FSD2: variants seen among roughly 807,000 people sequenced by gnomAD.
The protein encoded by FSD2 is fibronectin type III and SPRY domain-containing protein 2.
A neutral mutation model predicts 80.4 loss-of-function variants in FSD2; 71 were observed. The ratio of observed to expected loss-of-function variants is 0.88; its 90% confidence interval spans 0.73 to 1.08. The LOEUF (loss-of-function observed/expected upper bound fraction) is 1.08, where lower values mean the gene tolerates loss of function less well. FSD2 is among the 50% of genes least tolerant of loss of function. The pLI is 0.00. For missense variants in FSD2, 923 were observed against 913.8 expected (o/e 1.01, Z -0.13); for synonymous variants, 361 against 329.5 (o/e 1.10, Z -1.03).
Position 82,755,976 on chromosome 15 carries a change from C to T in FSD2, c.*3372G>A. On this transcript the variant is annotated 3_prime_UTR_variant, in exon 13 of 13. Transcript: ENST00000334574. ...ACTAAGAAAATAGAGTCCTTGAAAT[C>T]AAGCTGACTCTGCTTTTAGCCTCCT... 1.9e-6 allele frequency: 1 copy of T among 516,946 alleles called. No individual in the cohort carries two copies. The highest frequency in any genetic ancestry group is 3.9e-6 in the Non-Finnish European group (1 of 258,848). 32.0% of individuals were successfully genotyped at this position (516,946 alleles called of 1,614,324 possible).
intron 2 of FSD2, 39 bp from the exon 3 acceptor site, chr15:82,786,645 C>T (rs768391831): frequency 6.2e-7 from 1 of 1,601,374 alleles, no homozygotes; most frequent in Non-Finnish European, 8.6e-7. Flanking sequence ...ATTAATGTTA[C>T]ATCTTCTCTC....
intron 4 of FSD2, 56 bp from the exon 5 acceptor site, chr15:82,780,323 C>G: frequency 8.4e-7 from 1 of 1,196,256 alleles, no homozygotes; most frequent in South Asian, 1.5e-5. Context: ...TTTCTTTTTT[C>G]TTTTTCTTTC....
intron 1 of FSD2, among the ~76,000 whole-genome samples, chr15:82,795,455 TAGA>T (rs913694187): frequency 2.0e-5 from 3 of 152,150 alleles, no homozygotes; most frequent in African/African-American, 7.2e-5. Flanking sequence ...AATCAGAGGT[TAGA>T]AGAAGATTAT....
At chr15:82,773,955 G>T (rs1481194831) in intron 6 of FSD2, among the ~76,000 whole-genome samples, 1 of 152,194 alleles carries the variant, frequency 6.6e-6, no homozygotes, top group Admixed American at 6.5e-5. Context: ...AACCTAAAAT[G>T]CTGTACACAA....
chr15:82,764,492 C>CTTTTTTTTTTTTTT lies in FSD2; in HGVS notation c.1820+660_1820+673dup, dbSNP rs60095355. Among the ~76,000 whole-genome samples the CTTTTTTTTTTTTTT allele has an allele frequency of 3.1e-3, 266 of 86,122 alleles. 10 individuals are homozygous for CTTTTTTTTTTTTTT. The highest frequency in any genetic ancestry group is 4.8e-3 in the East Asian group (15 of 3,108). 56.5% of individuals were successfully genotyped at this position (86,122 alleles called of 152,430 possible). On this transcript the variant is annotated intron_variant, in intron 11 of 12. Coordinates refer to ENST00000334574, the MANE Select transcript of FSD2 (RefSeq NM_001007122.4). ...CTCTTGTTGCTTCATTCTTTACTTGCTTTTTTTTTTTTTTTTTTTTGAGAA... is the reference window on the plus strand; with the variant it reads ...CTCTTGTTGCTTCATTCTTTACTTGCTTTTTTTTTTTTTTTTTTTTTTTTTTTTTTTTTTGAGAA...
chr15:82,771,972 T>C (rs2049587042), intron 7 of FSD2, 101 bp downstream of exon 7: 2 of 1,228,230 alleles, frequency 1.6e-6, no homozygotes, highest in African/African-American at 3.1e-5. Flanking sequence ...TCTAGACCCA[T>C]CCTGTCTCTA....
At chr15:82,787,572 G>C in intron 1 of FSD2, 104 bp from the exon 2 acceptor site, 1 of 529,518 alleles carries the variant, frequency 1.9e-6, no homozygotes, top group East Asian at 3.1e-5. Context: ...AAAATTATCT[G>C]TGTAGTTCAG....
chr15:82,769,401 C>T lies in FSD2; in HGVS notation c.1402+349G>A, dbSNP rs2049504357. On this transcript the variant is annotated intron_variant, in intron 8 of 12. Transcript: ENST00000334574. ...CCTGGCCAACATGGCGAAATGCCAT[C>T]TCTTCTAAAAATACAAAAAAAAAAA... Among the ~76,000 whole-genome samples, 4 of 144,446 alleles carry T rather than the reference C, an allele frequency of 2.8e-5. No individual in the cohort carries two copies. The South Asian group carries it at 9.4e-4, about 34-fold the overall frequency. The allele number at this position is 144,446 out of a possible 152,430, so 94.8% of individuals were successfully genotyped here. A position where few individuals can be genotyped will look rare whatever the true frequency, so the allele number is the denominator to read the frequency against.
At chr15:82,782,106 A>AT (rs60552767) in intron 4 of FSD2, among the ~76,000 whole-genome samples, 2 of 115,246 alleles carry the variant, frequency 1.7e-5, no homozygotes, top group African/African-American at 3.3e-5. Context: ...AATAATAATA[A>AT]AACTCTTGGC....
At chr15:82,780,832 C>T (rs538895863) in intron 4 of FSD2, among the ~76,000 whole-genome samples, 5 of 152,044 alleles carry the variant, frequency 3.3e-5, no homozygotes, top group African/African-American at 1.2e-4. Context: ...TATCCCATAC[C>T]GTAACAAAAC....
intron 11 of FSD2, 36 bp from the exon 12 acceptor site, chr15:82,762,314 G>A (rs1317872057): frequency 1.9e-6 from 3 of 1,601,850 alleles, no homozygotes. Context: ...GTGATCTGGG[G>A]TGCCCCAAGC....
chr15:82,792,295 T>G (rs2050170601), intron 1 of FSD2, among the ~76,000 whole-genome samples: 1 of 152,260 alleles, frequency 6.6e-6, no homozygotes, highest in African/African-American at 2.4e-5. Flanking sequence ...TCTGACTGTT[T>G]GATTACAGTC....
intron 1 of FSD2, among the ~76,000 whole-genome samples, chr15:82,790,742 ATTTTTTTTTT>A (rs56148573): frequency 7.5e-5 from 10 of 132,632 alleles, no homozygotes; most frequent in South Asian, 2.4e-4. Context: ...TGCCCAGCTA[ATTTTTTTTTT>A]TTTTTTGTAT....
intron 1 of FSD2, among the ~76,000 whole-genome samples, chr15:82,805,032 C>G (rs1045710847): frequency 6.6e-6 from 1 of 151,888 alleles, no homozygotes; most frequent in Non-Finnish European, 1.5e-5. Flanking sequence ...TGCTGGATAC[C>G]CTTTCCTCTA....
At chr15:82,774,069 T>C (rs932261205) in intron 6 of FSD2, among the ~76,000 whole-genome samples, 1 of 152,092 alleles carries the variant, frequency 6.6e-6, no homozygotes, top group African/African-American at 2.4e-5. Flanking sequence ...ATCACAATAA[T>C]ATTTTATTTT....
At position 82,778,874 on chromosome 15, in the gene FSD2, G is replaced by C; in HGVS notation, c.1003C>G (p.Leu335Val). Residue 335 changes from leucine to valine, a missense_variant, in exon 6 of 13, where the codon CTG becomes GTG. Physicochemically the swap from Leu to Val is conservative, Grantham distance 32. Transcript: ENST00000334574. Reference sequence around the variant, plus strand: ...ATTTCCACGTCTGTTTTTGTTTTCAGGAATTTCCCGAGTCTGTTGGTATAA... The same window carrying C: ...ATTTCCACGTCTGTTTTTGTTTTCACGAATTTCCCGAGTCTGTTGGTATAA... The part of the protein sequence containing the change: ...VAMADRLGKF[L>V]KTKTDVEISA... 6.2e-7 allele frequency: 1 copy of C among 1,613,906 alleles called. No individual in the cohort carries two copies. The highest frequency in any genetic ancestry group is 8.5e-7 in the Non-Finnish European group (1 of 1,179,870).
At chr15:82,782,355 G>A (rs922688160) in intron 4 of FSD2, among the ~76,000 whole-genome samples, 30 of 152,166 alleles carry the variant, frequency 2.0e-4, no homozygotes, top group East Asian at 3.9e-4. Context: ...AGCCGAGATC[G>A]CGCCACTGCA....
chr15:82,789,041 T>C (rs986527542), intron 1 of FSD2, among the ~76,000 whole-genome samples: 1 of 151,578 alleles, frequency 6.6e-6, no homozygotes, highest in African/African-American at 2.4e-5. Context: ...CTAGTAATCC[T>C]CTTCTGGAAC....
intron 4 of FSD2, among the ~76,000 whole-genome samples, chr15:82,782,137 T>G (rs1355112881): frequency 1.3e-5 from 2 of 149,862 alleles, no homozygotes; most frequent in Admixed American, 6.7e-5. Flanking sequence ...GGCTCACGCC[T>G]GTAATCCCAG....
Sources: allele counts gnomAD v4.1 joint callset (sites outside exome capture counted in the v4.1 genomes callset), GRCh38; gene constraint gnomAD v4.1.1; transcripts MANE v1.5; gene names NCBI Gene and HGNC (gene_info 2026-07-23, HGNC 2026-07-21).